TAF11L12: variants seen among roughly 807,000 people sequenced by gnomAD.
The protein encoded by TAF11L12 is TATA-box-binding protein-associated factor 11-like protein 12.
chr5:17,610,893 C>A, exon 1 of TAF11L12: 1 of 396,590 alleles, frequency 2.5e-6, no homozygotes, highest in South Asian at 1.3e-4. Context: ...CAGCTCAACT[C>A]TTTGAAAGGT....
exon 1 of TAF11L12, chr5:17,611,154 A>G (rs1365133912): frequency 5.0e-6 from 2 of 397,904 alleles, no homozygotes; most frequent in Non-Finnish European, 8.9e-6. Context: ...TGGACCTCAC[A>G]GAAGGTGACA....
In TAF11L12 at chr5:17,611,013, T is replaced by G. The variant is rs899681101; in HGVS notation, c.24T>G (p.Gly8=). The G allele has an allele frequency of 1.0e-5, 4 of 397,466 alleles. 1 individual carries two copies. The highest frequency in any genetic ancestry group is 8.3e-5 in the African/African-American group (4 of 48,074). The allele number at this position is 397,466 out of a possible 1,614,324, so 24.6% of individuals were successfully genotyped here. The change falls in exon 1 of 1, where the codon GGT becomes GGG. Residue 8 remains glycine, a synonymous_variant. Transcript: ENST00000503184. ...CCATGGAGACAGGCAGGCAAAGAGGTGCGTCTGCTGAGATGTTCGCCATGC... is the reference window on the plus strand; with the variant it reads ...CCATGGAGACAGGCAGGCAAAGAGGGGCGTCTGCTGAGATGTTCGCCATGC...
chr5:17,611,469 C>G (rs551115821), exon 1 of TAF11L12: 8 of 397,724 alleles, frequency 2.0e-5, no homozygotes, highest in East Asian at 7.1e-5. Flanking sequence ...TGGACGTGTG[C>G]GAGATGTGGG....
At chr5:17,611,298 G>A (rs1279875391) in exon 1 of TAF11L12, 3 of 398,044 alleles carry the variant, frequency 7.5e-6, no homozygotes, top group African/African-American at 2.1e-5. Flanking sequence ...TGTCTGAGGA[G>A]CAGCTATCCC....
At chr5:17,611,883 T>C (rs570927129), downstream of TAF11L12, among the ~76,000 whole-genome samples, 3 of 151,484 alleles carry the variant, frequency 2.0e-5, no homozygotes, top group South Asian at 2.1e-4. Context: ...TAGCTGCATT[T>C]GGAGAGGGAA....
At position 17,611,190 on chromosome 5, in the gene TAF11L12, T is replaced by G. The variant is rs1739269067; in HGVS notation, c.201T>G (p.Pro67=). 4 of 398,130 alleles carry G rather than the reference T, an allele frequency of 1.0e-5. No individual in the cohort carries two copies. The South Asian group carries it at 3.8e-4, about 38-fold the overall frequency. 24.7% of individuals were successfully genotyped at this position (398,130 alleles called of 1,614,324 possible). A position where few individuals can be genotyped will look rare whatever the true frequency, so the allele number is the denominator to read the frequency against. ...ATGAAGCATCAGCCTCAGCTCCTCC[T>G]GCAGCCAAAAGACAGAAAACAGATA... The change falls in exon 1 of 1, where the codon CCT becomes CCG. Residue 67 remains proline, a synonymous_variant. Transcript: ENST00000503184.
exon 1 of TAF11L12, chr5:17,610,633 C>A (rs1200880378): frequency 9.6e-6 from 2 of 208,842 alleles, no homozygotes; most frequent in Non-Finnish European, 1.9e-5. Context: ...CCTGGAGGTC[C>A]GTCATGTGAC....
At chr5:17,610,713 C>T (rs1739259241) in exon 1 of TAF11L12, 2 of 307,458 alleles carry the variant, frequency 6.5e-6, no homozygotes, top group African/African-American at 2.2e-5. Flanking sequence ...TTTTAAATAT[C>T]CAAAATTGGT....
chr5:17,610,682 T>G, exon 1 of TAF11L12: 1 of 257,548 alleles, frequency 3.9e-6, no homozygotes, highest in Non-Finnish European at 7.3e-6. Context: ...GCAGTACTTC[T>G]GACCTGTGAG....
chr5:17,611,227 A>T, the TAF11L12 span: 1 of 398,424 alleles, frequency 2.5e-6, no homozygotes, highest in East Asian at 3.6e-5. Flanking sequence ...CAAGGGGAAG[A>T]AGGAGAGGAA....
At chr5:17,611,592 C>T (rs1243047620), downstream of TAF11L12, 3 of 397,948 alleles carry the variant, frequency 7.5e-6, no homozygotes, top group African/African-American at 6.2e-5. Flanking sequence ...AAGCCCAAGG[C>T]CAGAGGGAAG....
chr5:17,611,813 T>G (rs1340571774), downstream of TAF11L12, among the ~76,000 whole-genome samples: 1 of 151,402 alleles, frequency 6.6e-6, no homozygotes, highest in Admixed American at 6.6e-5. Flanking sequence ...GAGGCATTTT[T>G]CTCTGTCTTT....
At chr5:17,611,041 C>T in the TAF11L12 span, 1 of 397,970 alleles carries the variant, frequency 2.5e-6, no homozygotes, top group Non-Finnish European at 4.4e-6. Context: ...CGCCATGCCC[C>T]AAGGTCTGAA....
chr5:17,611,820 C>A (rs530268638), downstream of TAF11L12, among the ~76,000 whole-genome samples: 2 of 151,432 alleles, frequency 1.3e-5, no homozygotes, highest in African/African-American at 4.9e-5. Flanking sequence ...TTTTCTCTGT[C>A]TTTCTAGTTG....
downstream of TAF11L12, among the ~76,000 whole-genome samples, chr5:17,611,872 G>A (rs1202112888): frequency 1.3e-5 from 2 of 151,390 alleles, no homozygotes; most frequent in Non-Finnish European, 2.9e-5. Flanking sequence ...CTGTGGACAG[G>A]TAGCTGCATT....
At position 17,611,046 on chromosome 5, in the gene TAF11L12, T is replaced by C. The variant is rs1035820873; in HGVS notation, c.57T>C (p.Gly19=). 3.0e-5 allele frequency: 12 copies of C among 397,510 alleles called. 1 individual carries two copies. The highest frequency in any genetic ancestry group is 2.3e-4 in the African/African-American group (11 of 48,066). The allele number at this position is 397,510 out of a possible 1,614,324, so 24.6% of individuals were successfully genotyped here. ...CTGAGATGTTCGCCATGCCCCAAGG[T>C]CTGAAGGGCAGCAACAAGGATGGAA... The change falls in exon 1 of 1, where the codon GGT becomes GGC. Residue 19 remains glycine (G), a synonymous_variant. Transcript: ENST00000503184.
exon 1 of TAF11L12, chr5:17,611,202 A>G (rs1237709625): frequency 7.5e-6 from 3 of 398,226 alleles, no homozygotes; most frequent in Middle Eastern, 6.3e-4. Flanking sequence ...CAGCCAAAAG[A>G]CAGAAAACAG....
At position 17,610,630 on chromosome 5, in the gene TAF11L12, G is replaced by T. The variant is rs377215619; in HGVS notation, c.-360G>T. 62 of 207,212 alleles carry T rather than the reference G, an allele frequency of 3.0e-4. 3 individuals are homozygous for T. Among genetic ancestry groups the T allele is most frequent in the African/African-American group, 1.2e-3 (54 of 43,446 alleles). 12.8% of individuals were successfully genotyped at this position (207,212 alleles called of 1,614,324 possible). A position where few individuals can be genotyped will look rare whatever the true frequency, so the allele number is the denominator to read the frequency against. Reference sequence around the variant, plus strand: ...CCACACAGCCAGACCCATCCTGGAGGTCCGTCATGTGACTCTGAGCAGGAG... The same window carrying T: ...CCACACAGCCAGACCCATCCTGGAGTTCCGTCATGTGACTCTGAGCAGGAG... On this transcript the variant is annotated 5_prime_UTR_variant, in exon 1 of 1. Coordinates refer to ENST00000503184, the Ensembl canonical transcript of TAF11L12.
exon 1 of TAF11L12, chr5:17,611,320 T>C (rs1223892489): frequency 2.5e-6 from 1 of 397,934 alleles, no homozygotes; most frequent in African/African-American, 2.1e-5. Flanking sequence ...CTACGAAGTG[T>C]GTCGCCGGTC....
Sources: allele counts gnomAD v4.1 joint callset (sites outside exome capture counted in the v4.1 genomes callset), GRCh38; gene constraint gnomAD v4.1.1; transcripts MANE v1.5; gene names NCBI Gene and HGNC (gene_info 2026-07-23, HGNC 2026-07-21).